Variants in PDE3B observed in about 807,000 individuals in gnomAD.
The protein encoded by PDE3B is cGMP-inhibited 3',5'-cyclic phosphodiesterase 3B.
In PDE3B, 66 loss-of-function variants were observed where a neutral mutation model predicts 116.8. That is an observed-to-expected ratio of 0.56 (90% CI 0.46 to 0.69). The LOEUF is 0.69. Among genes scored for constraint, PDE3B ranks in the 30% least tolerant of loss-of-function variants. The pLI, the probability that PDE3B is intolerant of heterozygous loss-of-function variation, is 0.00. For missense variants in PDE3B, 1,384 were observed against 1,368.1 expected (o/e 1.01, Z -0.18); for synonymous variants, 595 against 533.6 (o/e 1.12, Z -1.59).
intron 2 of PDE3B, chr11:14,774,831 G>C (rs1857738209): frequency 6.6e-6 from 1 of 152,104 alleles, no homozygotes; most frequent in Non-Finnish European, 1.5e-5. Context: ...ACACAACATG[G>C]TTCCCTCCCT....
chr11:14,881,755 T>C, the PDE3B span, among the ~76,000 whole-genome samples: 3 of 152,118 alleles, frequency 2.0e-5, no homozygotes, highest in Non-Finnish European at 4.4e-5. Flanking sequence ...CTCAATGCCT[T>C]CTGCCATGAT....
At chr11:14,673,922 C>T (rs1302170913) in intron 1 of PDE3B, 4 of 1,425,848 alleles carry the variant, frequency 2.8e-6, no homozygotes, top group Admixed American at 3.4e-5. Flanking sequence ...TAACCGCATA[C>T]TCCTTATTAT....
rs113573911 is a variant in PDE3B, at chr11:14,665,674, T to A, written c.978+20621T>A. Among the ~76,000 whole-genome samples the A allele has an allele frequency of 2.4e-3, 358 of 152,146 alleles. 1 individual carries two copies. The highest frequency in any genetic ancestry group is 8.1e-3 in the African/African-American group (337 of 41,516). On this transcript the variant is annotated intron_variant, in intron 1 of 15. Transcript: ENST00000282096. ...GAGTGAACTCCCATTCACAATTGCTTCATTCACAATTTGATTCCTGGAATA... is the reference window on the plus strand; with the variant it reads ...GAGTGAACTCCCATTCACAATTGCTACATTCACAATTTGATTCCTGGAATA...
chr11:14,812,741 A>G (rs771097838), intron 5 of PDE3B, among the ~76,000 whole-genome samples: 3 of 152,232 alleles, frequency 2.0e-5, no homozygotes, highest in Non-Finnish European at 4.4e-5. Flanking sequence ...ATTCTTCCCT[A>G]TATTTAACGA....
chr11:14,656,301 C>G (rs945310285), intron 1 of PDE3B, among the ~76,000 whole-genome samples: 5 of 152,152 alleles, frequency 3.3e-5, no homozygotes, highest in African/African-American at 1.2e-4. Context: ...TTTTACATCT[C>G]TAAATGGGAT....
intron 5 of PDE3B, among the ~76,000 whole-genome samples, chr11:14,815,643 G>A (rs562658975): frequency 1.3e-5 from 2 of 152,134 alleles, no homozygotes; most frequent in Non-Finnish European, 2.9e-5. Context: ...ATAATCATAG[G>A]GGTGACATCC....
intron 1 of PDE3B, among the ~76,000 whole-genome samples, chr11:14,722,751 A>G (rs889278974): frequency 2.0e-5 from 3 of 152,174 alleles, no homozygotes; most frequent in African/African-American, 7.2e-5. Context: ...AACCAGAGGC[A>G]CTCAGCTAAG....
At chr11:14,740,566 T>A (rs1856739314) in intron 1 of PDE3B, among the ~76,000 whole-genome samples, 1 of 151,912 alleles carries the variant, frequency 6.6e-6, no homozygotes. Context: ...CTGGATTCAC[T>A]GATTTTTTGA....
chr11:14,649,615 A>G (rs944017540), intron 1 of PDE3B, among the ~76,000 whole-genome samples: 3 of 152,238 alleles, frequency 2.0e-5, no homozygotes, highest in African/African-American at 4.8e-5. Context: ...TAAAGGAGGT[A>G]GGCAAGAAGT....
At chr11:14,857,607 C>T (rs577611857) in intron 12 of PDE3B, among the ~76,000 whole-genome samples, 4 of 152,264 alleles carry the variant, frequency 2.6e-5, no homozygotes, top group African/African-American at 9.6e-5. Context: ...CCAGTATGGT[C>T]ATTATATCTA....
rs1848047325 is a variant in PDE3B at position 14,866,418 on chromosome 11, T to C, written c.2887-1088T>C. ...ACCATGCCCAACTTTTTTTTTATTA[T>C]ACTAATTATACTGTCTTTAGATGCC... On this transcript the variant is annotated intron_variant, in intron 14 of 15. Transcript: ENST00000282096. Among the ~76,000 whole-genome samples the C allele has an allele frequency of 2.0e-5, 3 of 152,170 alleles. No homozygotes were observed. The South Asian group carries it at 6.2e-4, about 32-fold the overall frequency.
At chr11:14,857,478 A>G (rs1291504895) in intron 12 of PDE3B, among the ~76,000 whole-genome samples, 1 of 152,182 alleles carries the variant, frequency 6.6e-6, no homozygotes, top group Non-Finnish European at 1.5e-5. Context: ...TTGTGAGTCT[A>G]CTGGGGATCA....
At chr11:14,768,469 A>G (rs1376627112) in intron 1 of PDE3B, among the ~76,000 whole-genome samples, 1 of 151,568 alleles carries the variant, frequency 6.6e-6, no homozygotes, top group Non-Finnish European at 1.5e-5. Context: ...GGTATACTGT[A>G]TGTATCTGTC....
chr11:14,831,378 T>C (rs1034562682), intron 8 of PDE3B, among the ~76,000 whole-genome samples: 1 of 151,796 alleles, frequency 6.6e-6, no homozygotes, highest in Non-Finnish European at 1.5e-5. Flanking sequence ...GTGTAGTAAT[T>C]TGGAAATATA....
intron 7 of PDE3B, among the ~76,000 whole-genome samples, chr11:14,823,865 C>T (rs1234780983): frequency 6.6e-6 from 1 of 152,174 alleles, no homozygotes; most frequent in East Asian, 1.9e-4. Context: ...CCTGGGTCTC[C>T]AGCTCCCCTC....
the PDE3B span, chr11:14,891,909 C>G: frequency 6.5e-7 from 1 of 1,547,218 alleles, no homozygotes; most frequent in East Asian, 2.4e-5. Flanking sequence ...GCCATAAGTC[C>G]AACCAGGAAG....
the PDE3B span, among the ~76,000 whole-genome samples, chr11:14,882,901 A>T: frequency 6.6e-6 from 1 of 152,224 alleles, no homozygotes; most frequent in Non-Finnish European, 1.5e-5. Flanking sequence ...AGACAAACAC[A>T]GAGCCAAATC....
chr11:14,895,165 G>T, the PDE3B span, among the ~76,000 whole-genome samples: 117 of 152,326 alleles, frequency 7.7e-4, 1 homozygote, highest in African/African-American at 2.8e-3. Flanking sequence ...GGCCTGGGCC[G>T]TGGGAGTTGT....
At chr11:14,716,168 T>G (rs1590084490) in intron 1 of PDE3B, among the ~76,000 whole-genome samples, 1 of 152,280 alleles carries the variant, frequency 6.6e-6, no homozygotes, top group Non-Finnish European at 1.5e-5. Flanking sequence ...CGGACGCACC[T>G]GGAAAATCGG....
Sources: allele counts gnomAD v4.1 joint callset (sites outside exome capture counted in the v4.1 genomes callset), GRCh38; gene constraint gnomAD v4.1.1; transcripts MANE v1.5; gene names NCBI Gene and HGNC (gene_info 2026-07-23, HGNC 2026-07-21).